The following PRG4 variants were observed in gnomAD, a reference collection of about 807,000 sequenced individuals.
PRG4 encodes proteoglycan 4.
In PRG4, 61 loss-of-function variants were observed where a neutral mutation model predicts 91.2. That is an observed-to-expected ratio of 0.67 (90% CI 0.54 to 0.83). The LOEUF (loss-of-function observed/expected upper bound fraction) is 0.83. Ranked by LOEUF, PRG4 falls within the 40% of genes least tolerant of loss-of-function variation. The pLI is 0.00. For missense variants in PRG4, 1,564 were observed against 1,714.2 expected, an observed-to-expected ratio of 0.91 and a Z score of 1.55; for synonymous variants, 576 against 614.2, an observed-to-expected ratio of 0.94 and a Z score of 0.92.
In PRG4 at chr1:186,308,001, C is replaced by T; in HGVS notation, c.2282C>T (p.Thr761Ile). Reference sequence around the variant, plus strand: ...ACCCCTAAGGGGACTGCTCCAACTACCCCTAAGGAGCCTGCTCCAACTACC... The same window carrying T: ...ACCCCTAAGGGGACTGCTCCAACTATCCCTAAGGAGCCTGCTCCAACTACC... ...PTTPKGTAPT[T>I]PKEPAPTTPK... Residue 761 changes from threonine to isoleucine, a missense_variant, in exon 7 of 13, where the codon ACC becomes ATC. Physicochemically the swap from Thr to Ile is moderately conservative, Grantham distance 89 (BLOSUM62 -1). Transcript: ENST00000445192. The T allele has an allele frequency of 1.2e-6, 2 of 1,608,554 alleles. No homozygotes were observed. Among genetic ancestry groups the T allele is most frequent in the Non-Finnish European group, 1.7e-6 (2 of 1,178,682 alleles).
At chr1:186,312,973 C>T in intron 12 of PRG4, 79 bp downstream of exon 12, 2 of 1,417,996 alleles carry the variant, frequency 1.4e-6, no homozygotes, top group Admixed American at 3.4e-5. Flanking sequence ...ATGCTGGCTG[C>T]AATGATGACT....
At chr1:186,302,686 A>G (rs1656299668) in intron 4 of PRG4, among the ~76,000 whole-genome samples, 1 of 152,226 alleles carries the variant, frequency 6.6e-6, no homozygotes, top group African/African-American at 2.4e-5. Context: ...ACACCCTTGT[A>G]ATAAAAACCT....
At chr1:186,299,394 C>A (rs1656056766) in intron 2 of PRG4, among the ~76,000 whole-genome samples, 1 of 152,142 alleles carries the variant, frequency 6.6e-6, no homozygotes, top group Non-Finnish European at 1.5e-5. Flanking sequence ...AACCAGCGTG[C>A]TTTAAACTTA....
At position 186,304,854 on chromosome 1, in the gene PRG4, C is replaced by T. The variant is rs1197207380; in HGVS notation, c.530C>T (p.Ser177Leu). ...SSSSSSSSSS[S>L]TIRKIKSSKN... ...TCCTCCTCCTCTTCCTCTTCTTCTT[C>T]AACAATTCGGAAAATCAAGTCTTCC... Residue 177 changes from serine to leucine, a missense_variant, in exon 6 of 13, where the codon TCA (serine) becomes TTA (leucine). Coordinates refer to ENST00000445192, the MANE Select transcript of PRG4 (RefSeq NM_005807.6). 3 of 1,612,622 alleles carry T rather than the reference C, an allele frequency of 1.9e-6. No homozygotes were observed. The highest frequency in any genetic ancestry group is 3.3e-5 in the Admixed American group (2 of 60,008).
chr1:186,311,311 A>T, intron 9 of PRG4, 129 bp from the exon 10 acceptor site: 1 of 1,411,552 alleles, frequency 7.1e-7, no homozygotes, highest in Non-Finnish European at 1.0e-6. Context: ...CAACAGTTTG[A>T]TAACAGTAAT....
chr1:186,299,593 C>A (rs981140952), intron 2 of PRG4, among the ~76,000 whole-genome samples: 7 of 152,132 alleles, frequency 4.6e-5, no homozygotes, highest in Admixed American at 1.3e-4. Flanking sequence ...ACCTATGATG[C>A]CAATATACTG....
rs1657506033 is a variant in PRG4 at position 186,314,292 on chromosome 1, TG to T, written c.*515del. 2.4e-6 allele frequency: 1 copy of T among 415,074 alleles called. No homozygotes were observed. Among genetic ancestry groups the T allele is most frequent in the Non-Finnish European group, 4.3e-6 (1 of 234,888 alleles). The allele number at this position is 415,074 out of a possible 1,614,324, so 25.7% of individuals were successfully genotyped here. The stretch of plus-strand genomic sequence containing the variant: ...AAAACATAATCACAAAGCTTTATCG[TG>T]TTGTATAAAAAAATTAACAATATAA... On this transcript the variant is annotated 3_prime_UTR_variant, in exon 13 of 13. Coordinates refer to ENST00000445192, the MANE Select transcript of PRG4 (RefSeq NM_005807.6).
At chr1:186,297,327 T>C (rs1417232049) in intron 2 of PRG4, among the ~76,000 whole-genome samples, 3 of 152,256 alleles carry the variant, frequency 2.0e-5, no homozygotes, top group Non-Finnish European at 4.4e-5. Flanking sequence ...TTGAACAATT[T>C]GTTTTTTAAA....
intron 12 of PRG4, 82 bp from the exon 13 acceptor site, chr1:186,313,599 A>G: frequency 1.2e-6 from 1 of 823,506 alleles, no homozygotes; most frequent in South Asian, 1.4e-5. Context: ...ATTGTCTTTG[A>G]GCATAATAGT....
In PRG4 at chr1:186,314,559, AT is replaced by A; in HGVS notation, c.*783del. The A allele has an allele frequency of 8.2e-7, 1 of 1,220,328 alleles. No individual in the cohort carries two copies. The highest frequency in any genetic ancestry group is 1.2e-6 in the Non-Finnish European group (1 of 865,098). 75.6% of individuals were successfully genotyped at this position (1,220,328 alleles called of 1,614,324 possible). A position where few individuals can be genotyped will look rare whatever the true frequency, so the allele number is the denominator to read the frequency against. ...AAAAAAATAAATTGGAGGCTTAAGG[AT>A]TAGAAAACTTGTTCCATTTATTACT... On this transcript the variant is annotated 3_prime_UTR_variant, in exon 13 of 13. Coordinates refer to ENST00000445192, the MANE Select transcript of PRG4 (RefSeq NM_005807.6).
In PRG4 at chr1:186,313,711, G is replaced by T; in HGVS notation, c.4148G>T (p.Arg1383Ile). The T allele has an allele frequency of 6.2e-7, 1 of 1,608,382 alleles. No homozygotes were observed. The highest frequency in any genetic ancestry group is 1.1e-5 in the South Asian group (1 of 90,944). The part of the protein sequence containing the change: ...DQYYNIDVPS[R>I]TARAITTRSG... ...TACTATAACATTGATGTGCCTAGTA[G>T]AACAGCAAGAGCAATTACTACTCGT... Residue 1383 changes from arginine (R) to isoleucine (I), a missense_variant, in exon 13 of 13, where the codon AGA (arginine) becomes ATA (isoleucine). Transcript: ENST00000445192.
In PRG4 at chr1:186,306,671, G is replaced by A. The variant is rs746579275; in HGVS notation, c.952G>A (p.Ala318Thr). 3.7e-6 allele frequency: 6 copies of A among 1,613,694 alleles called. No homozygotes were observed. The highest frequency in any genetic ancestry group is 2.2e-5 in the South Asian group (2 of 91,084). Residue 318 changes from alanine (A) to threonine (T), a missense_variant, in exon 7 of 13, where the codon GCT (alanine) becomes ACT (threonine). Coordinates refer to ENST00000445192, the MANE Select transcript of PRG4 (RefSeq NM_005807.6). ...KETQSIEKTS[A>T]KDLAPTSKVL... is the part of the protein sequence containing the mutation. ...GACACAAAGTATAGAGAAAACATCTGCTAAAGATTTAGCACCCACATCTAA... is the reference window on the plus strand; with the variant it reads ...GACACAAAGTATAGAGAAAACATCTACTAAAGATTTAGCACCCACATCTAA...
chr1:186,312,046 A>C (rs1020080710), intron 10 of PRG4, 129 bp from the exon 11 acceptor site: 3 of 710,048 alleles, frequency 4.2e-6, no homozygotes, highest in Non-Finnish European at 7.1e-6. Flanking sequence ...AGCCATTATT[A>C]ATATCAATAT....
intron 4 of PRG4, among the ~76,000 whole-genome samples, chr1:186,303,589 G>A (rs1319195310): frequency 6.6e-6 from 1 of 152,004 alleles, no homozygotes; most frequent in African/African-American, 2.4e-5. Flanking sequence ...AGGGCATTTT[G>A]AGGAAAAGCA....
At chr1:186,297,332 T>C (rs1655925565) in intron 2 of PRG4, among the ~76,000 whole-genome samples, 2 of 152,238 alleles carry the variant, frequency 1.3e-5, no homozygotes, top group Admixed American at 1.3e-4. Flanking sequence ...CAATTTGTTT[T>C]TTAAAATCAA....
At chr1:186,311,870 G>C (rs1657265345) in intron 10 of PRG4, 1 of 558,066 alleles carries the variant, frequency 1.8e-6, no homozygotes, top group African/African-American at 1.9e-5. Context: ...CCTTGCACAA[G>C]GGCCATGCTA....
chr1:186,308,036 C>T lies in PRG4; in HGVS notation c.2317C>T (p.Pro773Ser), dbSNP rs201504886. 1.6e-5 allele frequency: 25 copies of T among 1,601,798 alleles called. No homozygotes were observed. Among genetic ancestry groups the T allele is most frequent in the Non-Finnish European group, 2.0e-5 (23 of 1,177,064 alleles). ...GCCTGCTCCAACTACCCCTAAGGAGCCTGCTCCAACTACCCCTAAGGGGAC... is the reference window on the plus strand; with the variant it reads ...GCCTGCTCCAACTACCCCTAAGGAGTCTGCTCCAACTACCCCTAAGGGGAC... Reference protein sequence around the residue: ...KEPAPTTPKEPAPTTPKGTAP... With the variant: ...KEPAPTTPKESAPTTPKGTAP... Residue 773 changes from proline (P) to serine (S), a missense_variant, in exon 7 of 13, where the codon CCT becomes TCT. Around this residue, in one of 3 missense-constraint regions of PRG4, gnomAD observed 1,079 missense variants for 1,162.2 expected, o/e 0.93. Transcript: ENST00000445192.
At chr1:186,299,935 C>T (rs1656089926) in intron 2 of PRG4, among the ~76,000 whole-genome samples, 156 bp from the exon 3 acceptor site, 2 of 152,200 alleles carry the variant, frequency 1.3e-5, no homozygotes, top group African/African-American at 2.4e-5. Context: ...CCTAAGACAT[C>T]AGCCAAATAT....
intron 7 of PRG4, 138 bp from the exon 8 acceptor site, chr1:186,309,655 G>A (rs1657026597): frequency 1.4e-6 from 1 of 689,696 alleles, no homozygotes; most frequent in Non-Finnish European, 2.6e-6. Flanking sequence ...ATATAACTAT[G>A]CAAACAGGTC....
Sources: gnomAD v4.1 joint callset for allele counts (sites outside exome capture counted in the v4.1 genomes callset) on GRCh38, gnomAD v4.1.1 for gene constraint, gnomAD v4.1.1 regional missense constraint, MANE v1.5 for transcripts, NCBI Gene and HGNC (gene_info 2026-07-23, HGNC 2026-07-21) for gene names.